The following ABCD3 variants were observed in gnomAD, a reference collection of about 807,000 sequenced individuals.
ABCD3 encodes the protein ATP binding cassette subfamily D member 3, also known as ATP-binding cassette sub-family D member 3.
A neutral mutation model predicts 105.5 loss-of-function variants in ABCD3; 41 were observed. The observed-to-expected ratio is 0.39, with a 90% CI of 0.30 to 0.50. The LOEUF (loss-of-function observed/expected upper bound fraction) is 0.50, where lower values mean the gene tolerates loss of function less well. ABCD3 is among the 20% of genes least tolerant of loss of function. The probability of loss-of-function intolerance (pLI) is 0.84; values close to 1 mark genes in which losing one functional copy is unlikely to be tolerated. For synonymous variants in ABCD3, 258 were observed against 269.0 expected, an observed-to-expected ratio of 0.96 and a Z score of 0.40; for missense variants, 622 against 806.3, an observed-to-expected ratio of 0.77 and a Z score of 2.77.
chr1:94,510,975 C>A (rs1321688176), intron 21 of ABCD3, among the ~76,000 whole-genome samples: 1 of 152,052 alleles, frequency 6.6e-6, no homozygotes, highest in Non-Finnish European at 1.5e-5. Context: ...TTAATTGGAG[C>A]ATTTAGTCCA....
At chr1:94,451,544 T>C (rs1382481894) in intron 1 of ABCD3, among the ~76,000 whole-genome samples, 1 of 152,202 alleles carries the variant, frequency 6.6e-6, no homozygotes, top group Non-Finnish European at 1.5e-5. Flanking sequence ...TATATTTTTG[T>C]TTCCCAAAGG....
chr1:94,392,770 T>C, the ABCD3 span, among the ~76,000 whole-genome samples: 1 of 152,218 alleles, frequency 6.6e-6, no homozygotes, highest in African/African-American at 2.4e-5. Context: ...ATATGGGTCT[T>C]TATAGAGAGA....
the ABCD3 span, among the ~76,000 whole-genome samples, chr1:94,389,562 A>G: frequency 6.6e-6 from 1 of 152,190 alleles, no homozygotes; most frequent in Non-Finnish European, 1.5e-5. Flanking sequence ...CTTCTAGTTA[A>G]TCCATAATCT....
chr1:94,428,082 T>TA (rs1557658785), intron 1 of ABCD3, among the ~76,000 whole-genome samples: 1 of 151,986 alleles, frequency 6.6e-6, no homozygotes, highest in East Asian at 1.9e-4. Context: ...TTGTTTTTTT[T>TA]TTTATTTTTT....
upstream of ABCD3, among the ~76,000 whole-genome samples, chr1:94,418,216 C>A (rs377735033): frequency 2.5e-4 from 38 of 152,302 alleles, no homozygotes; most frequent in African/African-American, 8.9e-4. Flanking sequence ...TTCCGGAGAC[C>A]CTGAAGGAGT....
chr1:94,475,833 C>T, intron 7 of ABCD3, 96 bp downstream of exon 7: 1 of 962,506 alleles, frequency 1.0e-6, no homozygotes, highest in Non-Finnish European at 1.6e-6. Context: ...GACATAACAG[C>T]AGCATGTAAA....
chr1:94,511,474 A>G (rs1650669601), intron 21 of ABCD3, among the ~76,000 whole-genome samples: 1 of 151,740 alleles, frequency 6.6e-6, no homozygotes, highest in African/African-American at 2.4e-5. Context: ...TGTGTCTTGG[A>G]GTTGCTCTTC....
At chr1:94,488,693 T>A (rs35920808) in intron 13 of ABCD3, among the ~76,000 whole-genome samples, 1 of 152,120 alleles carries the variant, frequency 6.6e-6, no homozygotes, top group African/African-American at 2.4e-5. Flanking sequence ...ATAGAAGTTG[T>A]TAACTACTAT....
the ABCD3 span, among the ~76,000 whole-genome samples, chr1:94,391,225 T>G: frequency 6.6e-6 from 1 of 152,234 alleles, no homozygotes; most frequent in East Asian, 1.9e-4. Flanking sequence ...AATGTTTCTG[T>G]TCACCAGCTC....
chr1:94,445,986 G>A (rs1467932176), intron 1 of ABCD3, among the ~76,000 whole-genome samples: 1 of 152,160 alleles, frequency 6.6e-6, no homozygotes, highest in East Asian at 1.9e-4. Context: ...AGTGGGTAAA[G>A]GAAATACTCA....
chr1:94,498,738 T>G, intron 17 of ABCD3, 45 bp from the exon 18 acceptor site: 1 of 1,613,266 alleles, frequency 6.2e-7, no homozygotes, highest in Non-Finnish European at 8.5e-7. Flanking sequence ...GTCTACCACT[T>G]TGTAAATTTT....
At chr1:94,497,397 T>C (rs1319773638) in intron 16 of ABCD3, among the ~76,000 whole-genome samples, 1 of 152,200 alleles carries the variant, frequency 6.6e-6, no homozygotes, top group East Asian at 1.9e-4. Flanking sequence ...GCTCACCAGC[T>C]TAACAAATTT....
chr1:94,454,386 G>A (rs1173271340), intron 1 of ABCD3, among the ~76,000 whole-genome samples: 2 of 152,284 alleles, frequency 1.3e-5, no homozygotes, highest in East Asian at 3.9e-4. Context: ...ATGGAATAAT[G>A]GAAGAATAGA....
chr1:94,411,877 G>T, the ABCD3 span, among the ~76,000 whole-genome samples: 3 of 152,314 alleles, frequency 2.0e-5, no homozygotes, highest in South Asian at 6.2e-4. Context: ...TTTATGCTAA[G>T]TGAAAGAAGC....
At chr1:94,485,108 T>A (rs1179463417) in intron 10 of ABCD3, among the ~76,000 whole-genome samples, 1 of 152,244 alleles carries the variant, frequency 6.6e-6, no homozygotes, top group African/African-American at 2.4e-5. Flanking sequence ...AGATTTGGAC[T>A]ATGGGTCAGA....
intron 2 of ABCD3, among the ~76,000 whole-genome samples, chr1:94,459,075 C>T (rs533470502): frequency 6.7e-6 from 1 of 149,538 alleles, no homozygotes; most frequent in South Asian, 2.2e-4. Flanking sequence ...CCAACCAGGT[C>T]TCATTCTGTC....
At chr1:94,390,286 AT>A in the ABCD3 span, among the ~76,000 whole-genome samples, 9 of 151,688 alleles carry the variant, frequency 5.9e-5, no homozygotes, top group African/African-American at 1.5e-4. Context: ...GCACTTATTA[AT>A]TTTTTTTATT....
chr1:94,457,225 A>C (rs1360162299), intron 1 of ABCD3, among the ~76,000 whole-genome samples: 1 of 152,198 alleles, frequency 6.6e-6, no homozygotes, highest in Non-Finnish European at 1.5e-5. Context: ...GCTAAAATGC[A>C]TTTTGTATAA....
intron 19 of ABCD3, 105 bp downstream of exon 19, chr1:94,499,139 C>A (rs937630686): frequency 2.9e-6 from 3 of 1,043,948 alleles, no homozygotes; most frequent in South Asian, 1.3e-5. Context: ...AGCTGTAAAG[C>A]CTTCCAAAGC....
Sources: allele counts gnomAD v4.1 joint callset (sites outside exome capture counted in the v4.1 genomes callset), GRCh38; gene constraint gnomAD v4.1.1; transcripts MANE v1.5; gene names NCBI Gene and HGNC (gene_info 2026-07-23, HGNC 2026-07-21).